Variants in ENOX1 observed in about 807,000 individuals in gnomAD.
The protein encoded by ENOX1 is candidate growth-related and time keeping constitutive hydroquinone (NADH) oxidase.
A neutral mutation model predicts 82.5 loss-of-function variants in ENOX1; 42 were observed. That is an observed-to-expected ratio of 0.51 (90% CI 0.40 to 0.66). The LOEUF (loss-of-function observed/expected upper bound fraction) is 0.66, where lower values mean the gene tolerates loss of function less well. Ranked by LOEUF, ENOX1 falls within the 30% of genes least tolerant of loss-of-function variation. The pLI is 0.00. For synonymous variants in ENOX1, 271 were observed against 282.2 expected (o/e 0.96, Z 0.40); for missense variants, 608 against 811.6 (o/e 0.75, Z 3.05).
chr13:43,431,484 T>C (rs981137532), intron 3 of ENOX1, among the ~76,000 whole-genome samples: 2 of 152,156 alleles, frequency 1.3e-5, no homozygotes, highest in Non-Finnish European at 2.9e-5. Flanking sequence ...TCTTTCTCTC[T>C]AGGATTTCTT....
At chr13:43,414,600 A>G (rs1475936559) in intron 3 of ENOX1, among the ~76,000 whole-genome samples, 2 of 152,204 alleles carry the variant, frequency 1.3e-5, no homozygotes, top group Non-Finnish European at 2.9e-5. Flanking sequence ...TGAAATCTCA[A>G]AGCACTTCTC....
chr13:43,521,756 G>A (rs147052309), intron 2 of ENOX1, among the ~76,000 whole-genome samples: 41 of 152,194 alleles, frequency 2.7e-4, no homozygotes, highest in Non-Finnish European at 5.6e-4. Flanking sequence ...TCTTCTACTG[G>A]ACTGGGAGCT....
chr13:43,254,055 A>G (rs1396515350), intron 14 of ENOX1, among the ~76,000 whole-genome samples: 1 of 152,198 alleles, frequency 6.6e-6, no homozygotes, highest in East Asian at 1.9e-4. Flanking sequence ...GGCCATAAGT[A>G]GAAATAAATG....
chr13:43,446,634 A>G (rs1208256425), intron 3 of ENOX1, among the ~76,000 whole-genome samples: 2 of 152,134 alleles, frequency 1.3e-5, no homozygotes, highest in African/African-American at 4.8e-5. Flanking sequence ...CCTTCTAGTC[A>G]AATACTTGGA....
At chr13:43,574,340 C>T (rs544671447) in intron 2 of ENOX1, among the ~76,000 whole-genome samples, 56 of 152,268 alleles carry the variant, frequency 3.7e-4, no homozygotes, top group Middle Eastern at 3.4e-3. Flanking sequence ...AAGCAAGCCA[C>T]CACACAGCTT....
chr13:43,545,921 G>A (rs984393200), intron 2 of ENOX1: 1 of 152,444 alleles, frequency 6.6e-6, no homozygotes, highest in Non-Finnish European at 1.5e-5. Flanking sequence ...GGATGTTGGA[G>A]GGGGTGCCAT....
At chr13:43,583,750 A>T (rs1393525119) in intron 2 of ENOX1, among the ~76,000 whole-genome samples, 2 of 151,836 alleles carry the variant, frequency 1.3e-5, no homozygotes, top group East Asian at 1.9e-4. Flanking sequence ...TCAAGTAAAC[A>T]CTTGTTATTT....
chr13:43,786,897 G>A lies in ENOX1; in HGVS notation c.-530C>T, dbSNP rs574037318. 1.8e-4 allele frequency: 28 copies of A among 151,726 alleles called. No homozygotes were observed. Among genetic ancestry groups the A allele is most frequent in the African/African-American group, 6.5e-4 (27 of 41,312 alleles). The allele number at this position is 151,726 out of a possible 1,614,324, so 9.4% of individuals were successfully genotyped here. A position where few individuals can be genotyped will look rare whatever the true frequency, so the allele number is the denominator to read the frequency against. On this transcript the variant is annotated 5_prime_UTR_variant, in exon 1 of 17. Coordinates refer to ENST00000690772, the MANE Select transcript of ENOX1 (RefSeq NM_001347969.2). This position sits in a 1 kb window ranked among gnomAD's most constrained non-coding sequence, Gnocchi z 6.0. ...TGTGTGAGTAGCGGCGCCCGGGAGA[G>A]CGGGGATCTGCTGAGGGGCGCTGGA...
chr13:43,460,119 C>G (rs866133596), intron 3 of ENOX1, among the ~76,000 whole-genome samples: 4 of 152,082 alleles, frequency 2.6e-5, no homozygotes, highest in African/African-American at 9.7e-5. Context: ...TTGCTCCATG[C>G]CTTCTTTTGT....
intron 14 of ENOX1, among the ~76,000 whole-genome samples, chr13:43,245,110 T>C (rs2043019622): frequency 6.6e-6 from 1 of 152,172 alleles, no homozygotes; most frequent in South Asian, 2.1e-4. Context: ...TATGGGCACA[T>C]AGCAGGTGCC....
intron 11 of ENOX1, among the ~76,000 whole-genome samples, chr13:43,303,596 T>A (rs1380890041): frequency 6.6e-6 from 1 of 152,012 alleles, no homozygotes; most frequent in Non-Finnish European, 1.5e-5. Context: ...TAGGCTTGGG[T>A]CTCTGAGTCA....
intron 3 of ENOX1, chr13:43,458,950 T>G (rs958908710): frequency 1.3e-5 from 2 of 152,196 alleles, no homozygotes; most frequent in African/African-American, 4.8e-5. Context: ...TTGACATACT[T>G]TGGAAAAGAC....
At chr13:43,677,673 C>A (rs528013740) in intron 1 of ENOX1, among the ~76,000 whole-genome samples, 173 of 152,200 alleles carry the variant, frequency 1.1e-3, no homozygotes, top group Non-Finnish European at 2.0e-3. Flanking sequence ...ACTTTCTTTG[C>A]AAAGCATTTT....
At chr13:43,712,821 A>C (rs2087824055) in intron 1 of ENOX1, among the ~76,000 whole-genome samples, 1 of 151,684 alleles carries the variant, frequency 6.6e-6, no homozygotes, top group South Asian at 2.1e-4. Flanking sequence ...GGCTGAGACA[A>C]TGGGGTTTTC....
chr13:43,486,400 AAAAC>A (rs974336143), intron 2 of ENOX1, among the ~76,000 whole-genome samples: 4 of 152,108 alleles, frequency 2.6e-5, no homozygotes, highest in South Asian at 2.1e-4. Context: ...AACAAAGACA[AAAAC>A]AAACAAACAA....
At chr13:43,761,823 A>T (rs117803643) in intron 1 of ENOX1, among the ~76,000 whole-genome samples, 2,467 of 152,364 alleles carry the variant, frequency 0.016, 20 homozygotes, top group Middle Eastern at 0.031. Flanking sequence ...TGGAAAGATC[A>T]TTCCAAGTAG....
intron 11 of ENOX1, among the ~76,000 whole-genome samples, chr13:43,308,244 T>A (rs2046981994): frequency 6.6e-6 from 1 of 152,194 alleles, no homozygotes; most frequent in African/African-American, 2.4e-5. Context: ...CTTCTCCACC[T>A]GGGTCTCACA....
chr13:43,359,940 T>C lies in ENOX1; in HGVS notation c.500A>G (p.Asp167Gly), dbSNP rs751490665. ...CTTGCTTTTCCGAATTGCTGTAATATCACCGCACTGTTCAAAGACTTCTTG... is the reference window on the plus strand; with the variant it reads ...CTTGCTTTTCCGAATTGCTGTAATACCACCGCACTGTTCAAAGACTTCTTG... ...IIQEVFEQCG[D>G]ITAIRKSKKN... The change falls in exon 7 of 17, where the codon GAT becomes GGT. Residue 167 changes from aspartate to glycine, a missense_variant. Physicochemically the swap from Asp to Gly is moderately conservative, Grantham distance 94. Transcript: ENST00000690772. The C allele has an allele frequency of 6.2e-7, 1 of 1,614,236 alleles. No homozygotes were observed. Among genetic ancestry groups the C allele is most frequent in the Non-Finnish European group, 8.5e-7 (1 of 1,180,018 alleles).
At chr13:43,652,967 GA>G (rs2084263664) in intron 2 of ENOX1, among the ~76,000 whole-genome samples, 1 of 152,196 alleles carries the variant, frequency 6.6e-6, no homozygotes, top group African/African-American at 2.4e-5. Flanking sequence ...CAAAGTCAAG[GA>G]TGACTGGAGC....
Sources: gnomAD v4.1 joint callset for allele counts (sites outside exome capture counted in the v4.1 genomes callset) on GRCh38, gnomAD v4.1.1 for gene constraint, Gnocchi (gnomAD v3.1) non-coding constraint, MANE v1.5 for transcripts, NCBI Gene and HGNC (gene_info 2026-07-23, HGNC 2026-07-21) for gene names.